Variants in CXCL10 observed in about 807,000 individuals in gnomAD.
CXCL10 encodes the protein C-X-C motif chemokine ligand 10.
In CXCL10, 6 loss-of-function variants were observed where a neutral mutation model predicts 10.8. That is an observed-to-expected ratio of 0.55 (90% confidence interval 0.30 to 1.09). The LOEUF is 1.09. Ranked by LOEUF, CXCL10 falls within the 50% of genes least tolerant of loss-of-function variation. CXCL10 has a pLI of 0.06. For synonymous variants in CXCL10, 35 were observed against 35.8 expected, an observed-to-expected ratio of 0.98 and a Z score of 0.08; for missense variants, 114 against 114.3, an observed-to-expected ratio of 1.00 and a Z score of 0.01.
chr4:76,022,572 G>A, intron 2 of CXCL10, 117 bp from the exon 3 acceptor site: 1 of 1,474,076 alleles, frequency 6.8e-7, no homozygotes, highest in East Asian at 2.3e-5. Flanking sequence ...TTTGTTTGCT[G>A]TACATTAGTT....
chr4:76,022,262 T>A (rs1732910152), intron 3 of CXCL10, 104 bp downstream of exon 3: 2 of 952,780 alleles, frequency 2.1e-6, no homozygotes, highest in African/African-American at 1.6e-5. Flanking sequence ...GGTAACATAC[T>A]TTTAAACCAG....
chr4:76,022,161 A>G (rs995051396), intron 3 of CXCL10, among the ~76,000 whole-genome samples: 1 of 152,236 alleles, frequency 6.6e-6, no homozygotes, highest in South Asian at 2.1e-4. Flanking sequence ...CTGTACTTCA[A>G]GGTTGACTGG....
At position 76,022,364 on chromosome 4, in the gene CXCL10, A is replaced by G; in HGVS notation, c.278+2T>C. On this transcript the variant is annotated splice_donor_variant, in intron 3 of 3. Transcript: ENST00000306602. LOFTEE classifies it high-confidence loss of function. ...TTCTTCTGCAGGCAACAGCAAACCTACCTTTCCTTGCTAACTGCTTTCAGT... is the reference window on the plus strand; with the variant it reads ...TTCTTCTGCAGGCAACAGCAAACCTGCCTTTCCTTGCTAACTGCTTTCAGT... 6.2e-7 allele frequency: 1 copy of G among 1,612,864 alleles called. No homozygotes were observed. Among genetic ancestry groups the G allele is most frequent in the Non-Finnish European group, 8.5e-7 (1 of 1,179,450 alleles).
chr4:76,022,533 T>G (rs1205558066), intron 2 of CXCL10, 78 bp from the exon 3 acceptor site: 1 of 1,505,488 alleles, frequency 6.6e-7, no homozygotes, highest in Non-Finnish European at 9.2e-7. Context: ...AGTTCTGAAG[T>G]CAGACATTTA....
chr4:76,022,328 C>A, intron 3 of CXCL10, 38 bp downstream of exon 3: 1 of 1,550,938 alleles, frequency 6.4e-7, no homozygotes, highest in Non-Finnish European at 8.9e-7. Flanking sequence ...TTGCCGTTTC[C>A]TAAAGAGCAA....
rs1430141619 is a variant in CXCL10 at position 76,021,300 on chromosome 4, A to G, written c.*630T>C. On this transcript the variant is annotated 3_prime_UTR_variant, in exon 4 of 4. Coordinates refer to ENST00000306602, the MANE Select transcript of CXCL10 (RefSeq NM_001565.4). The stretch of plus-strand genomic sequence containing the variant: ...TTCCTGTTACTCATTGATACATAGT[A>G]CTTAATTACATGTTATTCCATGTAC... The G allele has an allele frequency of 6.6e-6, 1 of 150,906 alleles. No individual in the cohort carries two copies. Among genetic ancestry groups the G allele is most frequent in the African/African-American group, 2.5e-5 (1 of 40,126 alleles). The allele number at this position is 150,906 out of a possible 1,614,324, so 9.3% of individuals were successfully genotyped here.
chr4:76,022,610 TC>T (rs1385436270), intron 2 of CXCL10, 80 bp downstream of exon 2: 34 of 1,452,600 alleles, frequency 2.3e-5, no homozygotes, highest in Middle Eastern at 1.9e-4. Context: ...CCTTTACTGA[TC>T]TTTTTTTATT....
In CXCL10 at chr4:76,021,918, T is replaced by C. The variant is rs773526752; in HGVS notation, c.*12A>G. ...CTTGGAAGCACTGCATCGATTTTGC[T>C]CCCCTCTGGTTTTAAGGAGATCTTT... On this transcript the variant is annotated 3_prime_UTR_variant, in exon 4 of 4. Coordinates refer to ENST00000306602, the MANE Select transcript of CXCL10 (RefSeq NM_001565.4). The C allele has an allele frequency of 1.2e-6, 2 of 1,610,978 alleles. No homozygotes were observed. The highest frequency in any genetic ancestry group is 8.5e-7 in the Non-Finnish European group (1 of 1,177,130).
chr4:76,023,385 A>AAGT lies in CXCL10; in HGVS notation c.46_47insACT (p.Thr15_Leu16insHis). 1 of 1,613,616 alleles carries AAGT rather than the reference A, an allele frequency of 6.2e-7. No individual in the cohort carries two copies. Among genetic ancestry groups the AAGT allele is most frequent in the Non-Finnish European group, 8.5e-7 (1 of 1,179,512 alleles). On this transcript the variant is annotated inframe_insertion, in exon 1 of 4. Transcript: ENST00000306602. ...ATGTTCCTTACCTTGAATGCCACTT[A>AAGT]GAGTCAGAAAGATAAGGCAGCAAAT...
chr4:76,022,467 A>T lies in CXCL10; in HGVS notation c.189-12T>A. The T allele has an allele frequency of 6.2e-7, 1 of 1,607,712 alleles. No homozygotes were observed. The highest frequency in any genetic ancestry group is 8.5e-7 in the Non-Finnish European group (1 of 1,176,338). On this transcript the variant is annotated splice_polypyrimidine_tract_variant and intron_variant, in intron 2 of 3. Coordinates refer to ENST00000306602, the MANE Select transcript of CXCL10 (RefSeq NM_001565.4). ...TTTTCATTGTAGCACTGTAGAAATA[A>T]ATAGGGATGAAAATATTTAAAACTG... is the stretch of plus-strand genomic sequence containing the variant.
At position 76,022,782 on chromosome 4, in the gene CXCL10, T is replaced by G. The variant is rs557248373; in HGVS notation, c.97A>C (p.Ile33Leu). 1 of 1,612,706 alleles carries G rather than the reference T, an allele frequency of 6.2e-7. No homozygotes were observed. Residue 33 changes from isoleucine (I) to leucine (L), a missense_variant, in exon 2 of 4, where the codon ATC (isoleucine) becomes CTC (leucine). Transcript: ENST00000306602. ...TTAACAGGTTGATTACTAATGCTGA[T>G]GCAGGTACAGCGTACAGTTCTAGAG... ...PLSRTVRCTC[I>L]SISNQPVNPR...
chr4:76,021,953 A>G lies in CXCL10; in HGVS notation c.279-5T>C, dbSNP rs1360537440. 6.2e-7 allele frequency: 1 copy of G among 1,609,512 alleles called. No homozygotes were observed. The highest frequency in any genetic ancestry group is 8.5e-7 in the Non-Finnish European group (1 of 1,175,840). Reference sequence around the variant, plus strand: ...TTTTAAGGAGATCTTTTAGACCTGTAAGAAGAGAAAGGGGATATAAAAGTG... The same window carrying G: ...TTTTAAGGAGATCTTTTAGACCTGTGAGAAGAGAAAGGGGATATAAAAGTG... On this transcript the variant is annotated splice_region_variant and splice_polypyrimidine_tract_variant and intron_variant, in intron 3 of 3. Transcript: ENST00000306602.
Position 76,022,776 on chromosome 4 carries a change from T to G in CXCL10, c.103A>C (p.Ile35Leu). The G allele has an allele frequency of 6.2e-7, 1 of 1,613,062 alleles. No individual in the cohort carries two copies. Among genetic ancestry groups the G allele is most frequent in the Non-Finnish European group, 8.5e-7 (1 of 1,179,818 alleles). The change falls in exon 2 of 4, where the codon ATT becomes CTT. Residue 35 changes from isoleucine (I) to leucine (L), a missense_variant. Coordinates refer to ENST00000306602, the MANE Select transcript of CXCL10 (RefSeq NM_001565.4). ...CTTGGATTAACAGGTTGATTACTAATGCTGATGCAGGTACAGCGTACAGTT... is the reference window on the plus strand; with the variant it reads ...CTTGGATTAACAGGTTGATTACTAAGGCTGATGCAGGTACAGCGTACAGTT... ...SRTVRCTCIS[I>L]SNQPVNPRSL...
At chr4:76,023,304 A>G in intron 1 of CXCL10, 67 bp downstream of exon 1, 1 of 1,248,128 alleles carries the variant, frequency 8.0e-7, no homozygotes, top group South Asian at 1.2e-5. Context: ...TTATTTCTGT[A>G]TTTTTAGAAT....
rs1578205937 is a variant in CXCL10 at position 76,021,794 on chromosome 4, G to A, written c.*136C>T. 12 of 831,160 alleles carry A rather than the reference G, an allele frequency of 1.4e-5. No individual in the cohort carries two copies. The highest frequency in any genetic ancestry group is 6.0e-5 in the South Asian group (4 of 66,674). 51.5% of individuals were successfully genotyped at this position (831,160 alleles called of 1,614,324 possible). A position where few individuals can be genotyped will look rare whatever the true frequency, so the allele number is the denominator to read the frequency against. The stretch of plus-strand genomic sequence containing the variant: ...AGCAGCTGATTTGGTGACCATCATT[G>A]GTCACCTTTTAGTGTAACTGCAAAC... On this transcript the variant is annotated 3_prime_UTR_variant, in exon 4 of 4. Coordinates refer to ENST00000306602, the MANE Select transcript of CXCL10 (RefSeq NM_001565.4).
chr4:76,021,161 A>T lies in CXCL10; in HGVS notation c.*769T>A, dbSNP rs1732769980. 6.6e-6 allele frequency: 1 copy of T among 152,290 alleles called. No homozygotes were observed. The allele number at this position is 152,290 out of a possible 1,614,324, so 9.4% of individuals were successfully genotyped here. A position where few individuals can be genotyped will look rare whatever the true frequency, so the allele number is the denominator to read the frequency against. ...TTAACCTTTTGATCTTTCAACATTT[A>T]GATAGTCTTTCTTAATATTTCCAGG... On this transcript the variant is annotated 3_prime_UTR_variant, in exon 4 of 4. Transcript: ENST00000306602.
chr4:76,022,916 C>T, intron 1 of CXCL10, 99 bp from the exon 2 acceptor site: 1 of 1,215,132 alleles, frequency 8.2e-7, no homozygotes, highest in Non-Finnish European at 1.1e-6. Flanking sequence ...ATCCCCATAT[C>T]AGCAAATAGT....
At chr4:76,022,667 A>G (rs369458712) in intron 2 of CXCL10, 24 bp downstream of exon 2, 159 of 1,611,336 alleles carry the variant, frequency 9.9e-5, no homozygotes, top group Non-Finnish European at 1.3e-4. Context: ...CAGGGAAGTG[A>G]TAATCAGATG....
chr4:76,022,677 G>A lies in CXCL10; in HGVS notation c.188+14C>T, dbSNP rs750468593. 2.5e-6 allele frequency: 4 copies of A among 1,612,232 alleles called. No individual in the cohort carries two copies. The African/African-American group carries it at 4.0e-5, about 16-fold the overall frequency. ...ACAACCAGGGAAGTGATAATCAGAT[G>A]GGATTTCACTCACATGATCTCAACA... On this transcript the variant is annotated intron_variant, in intron 2 of 3. Coordinates refer to ENST00000306602, the MANE Select transcript of CXCL10 (RefSeq NM_001565.4).
Sources: gnomAD v4.1 joint callset for allele counts (sites outside exome capture counted in the v4.1 genomes callset) on GRCh38, gnomAD v4.1.1 for gene constraint, MANE v1.5 for transcripts, NCBI Gene and HGNC (gene_info 2026-07-23, HGNC 2026-07-21) for gene names.